Variants in FBXO3 observed in about 807,000 individuals in gnomAD.
FBXO3 encodes F-box only protein 3.
In FBXO3, 17 loss-of-function variants were observed where a neutral mutation model predicts 64.8. The ratio of observed to expected loss-of-function variants is 0.26; its 90% confidence interval spans 0.18 to 0.39. The LOEUF (loss-of-function observed/expected upper bound fraction) is 0.39, where lower values mean the gene tolerates loss of function less well. FBXO3 is among the 10% of genes least tolerant of loss of function. FBXO3 has a pLI of 1.00. For missense variants in FBXO3, 420 were observed against 589.9 expected (o/e 0.71, Z 2.98); for synonymous variants, 182 against 201.6 (o/e 0.90, Z 0.82).
At chr11:33,765,613 T>G (rs1439224531) in intron 3 of FBXO3, among the ~76,000 whole-genome samples, 1 of 152,096 alleles carries the variant, frequency 6.6e-6, no homozygotes, top group Non-Finnish European at 1.5e-5. Flanking sequence ...TTTGACATAG[T>G]TTGTATATTT....
chr11:33,760,000 G>A (rs1257390366), intron 3 of FBXO3, among the ~76,000 whole-genome samples: 1 of 152,096 alleles, frequency 6.6e-6, no homozygotes, highest in African/African-American at 2.4e-5. Context: ...AAAAAGGGAC[G>A]GAAAAACACA....
chr11:33,753,914 A>C (rs1388751437), intron 6 of FBXO3: 2 of 152,236 alleles, frequency 1.3e-5, no homozygotes, highest in African/African-American at 2.4e-5. Flanking sequence ...GTAGTTACTT[A>C]CAAATTGAAG....
rs1855545539 is a variant in FBXO3, at chr11:33,772,950, TAGGCAAGGCATTCC to T, written c.104+1430_104+1443del. On this transcript the variant is annotated intron_variant, in intron 1 of 10. Coordinates refer to ENST00000265651, the MANE Select transcript of FBXO3 (RefSeq NM_012175.4). ...TCCACCTTGCCAAGTTGAGAAGAGGTAGGCAAGGCATTCCAGGCAAGGTCGAGAGCTTGAGCCAC... is the reference window on the plus strand; with the variant it reads ...TCCACCTTGCCAAGTTGAGAAGAGGTAGGCAAGGTCGAGAGCTTGAGCCAC... 2.0e-5 allele frequency: 3 copies of T among 147,496 alleles called. No homozygotes were observed. The South Asian group carries it at 6.4e-4, about 32-fold the overall frequency. The allele number at this position is 147,496 out of a possible 1,614,324, so 9.1% of individuals were successfully genotyped here. A position where few individuals can be genotyped will look rare whatever the true frequency, so the allele number is the denominator to read the frequency against.
At chr11:33,755,022 C>T (rs749281884) in intron 5 of FBXO3, among the ~76,000 whole-genome samples, 2 of 152,036 alleles carry the variant, frequency 1.3e-5, no homozygotes. Context: ...TGCGCCACCA[C>T]ACCTGGCTAG....
At chr11:33,750,313 A>C (rs1854922620) in intron 8 of FBXO3, among the ~76,000 whole-genome samples, 1 of 152,234 alleles carries the variant, frequency 6.6e-6, no homozygotes, top group African/African-American at 2.4e-5. Flanking sequence ...CTGGCACAAT[A>C]CTTGATACCC....
Position 33,774,502 on chromosome 11 carries a change from C to T in FBXO3, c.-5G>A. ...CTCGGTCTCCATGGCCGCCATCTTG[C>T]CTGGCCCGGTGCAGGTCTGGCCCCG... On this transcript the variant is annotated 5_prime_UTR_variant, in exon 1 of 11. Coordinates refer to ENST00000265651, the MANE Select transcript of FBXO3 (RefSeq NM_012175.4). 6.5e-7 allele frequency: 1 copy of T among 1,540,856 alleles called. No homozygotes were observed. Among genetic ancestry groups the T allele is most frequent in the Non-Finnish European group, 8.7e-7 (1 of 1,145,306 alleles).
intron 4 of FBXO3, chr11:33,757,028 C>A (rs1230421441): frequency 1.9e-6 from 1 of 518,720 alleles, no homozygotes; most frequent in East Asian, 5.4e-5. Flanking sequence ...CCACACCCTG[C>A]CCCCAAGATT....
intron 3 of FBXO3, among the ~76,000 whole-genome samples, chr11:33,761,737 T>C (rs980492763): frequency 6.6e-6 from 1 of 152,340 alleles, no homozygotes; most frequent in South Asian, 2.1e-4. Context: ...CTATCTCATC[T>C]TATGCATCGT....
chr11:33,742,210 G>C (rs906187699), intron 10 of FBXO3, 126 bp from the exon 11 acceptor site: 97 of 829,986 alleles, frequency 1.2e-4, no homozygotes, highest in Non-Finnish European at 1.5e-4. Flanking sequence ...CCATAGACTT[G>C]AACAGTGGAT....
intron 7 of FBXO3, 39 bp from the exon 8 acceptor site, chr11:33,750,700 C>T (rs1273962486): frequency 6.3e-6 from 10 of 1,577,826 alleles, no homozygotes; most frequent in African/African-American, 1.3e-5. Flanking sequence ...AAATCAACTA[C>T]AGGATTTAAA....
chr11:33,750,373 G>T (rs942605346), intron 8 of FBXO3, among the ~76,000 whole-genome samples, 166 bp downstream of exon 8: 2 of 152,200 alleles, frequency 1.3e-5, no homozygotes, highest in African/African-American at 4.8e-5. Flanking sequence ...TGAAGTCAAA[G>T]TCCTCCATGA....
chr11:33,746,813 T>C, intron 10 of FBXO3: 2 of 1,412,644 alleles, frequency 1.4e-6, no homozygotes, highest in Non-Finnish European at 9.2e-7. Flanking sequence ...GCAAAAACAC[T>C]GTAAGAAGTT....
chr11:33,753,392 C>A (rs1590569530), intron 6 of FBXO3: 1 of 152,256 alleles, frequency 6.6e-6, no homozygotes, highest in South Asian at 2.1e-4. Flanking sequence ...AGAGGCTGGG[C>A]AGCAGCTTAC....
At chr11:33,757,513 C>A (rs11032369) in intron 4 of FBXO3, among the ~76,000 whole-genome samples, 8 of 110,716 alleles carry the variant, frequency 7.2e-5, no homozygotes, top group African/African-American at 1.2e-4. Context: ...TAAAACAAAT[C>A]TTAAAAAAAA....
chr11:33,754,311 A>G (rs1415013764), intron 6 of FBXO3, 144 bp downstream of exon 6: 7 of 627,998 alleles, frequency 1.1e-5, no homozygotes, highest in African/African-American at 1.9e-5. Context: ...TAGATGCAGT[A>G]CTTTATAAAC....
In FBXO3 at chr11:33,741,937, G is replaced by A. The variant is rs773191522; in HGVS notation, c.1387C>T (p.Arg463Cys). The change falls in exon 11 of 11, where the codon CGC (arginine) becomes TGC (cysteine). Residue 463 changes from arginine (R) to cysteine (C), a missense_variant. Physicochemically the swap from Arg to Cys is radical, Grantham distance 180. This residue lies in a region of FBXO3 where 57 missense variants were observed against 55.4 expected (regional missense o/e 1.03). Coordinates refer to ENST00000265651, the MANE Select transcript of FBXO3 (RefSeq NM_012175.4). ...AAAAGGCGTGAGCAGCGGCGTCTGCGAATGGGAACATCAAAGACTCTCCTC... is the reference window on the plus strand; with the variant it reads ...AAAAGGCGTGAGCAGCGGCGTCTGCAAATGGGAACATCAAAGACTCTCCTC... ...RRRRVFDVPI[R>C]RRRCSRLF The A allele has an allele frequency of 3.2e-5, 52 of 1,613,238 alleles. No homozygotes were observed. The highest frequency in any genetic ancestry group is 4.5e-5 in the East Asian group (2 of 44,860).
intron 2 of FBXO3, among the ~76,000 whole-genome samples, chr11:33,770,361 T>C (rs993179428): frequency 6.6e-6 from 1 of 152,248 alleles, no homozygotes; most frequent in Non-Finnish European, 1.5e-5. Context: ...CATCTGTACT[T>C]TGATTCTGTC....
chr11:33,768,846 A>C lies in FBXO3; in HGVS notation c.358+5T>G. On this transcript the variant is annotated splice_donor_5th_base_variant and intron_variant, in intron 3 of 10. Transcript: ENST00000265651. ...ACGGGGAAAGGGACCCTGAATTCCC[A>C]GTACCTTTCAGAGATAAAACCATCC... 3 of 1,613,956 alleles carry C rather than the reference A, an allele frequency of 1.9e-6. No homozygotes were observed. Among genetic ancestry groups the C allele is most frequent in the Non-Finnish European group, 2.5e-6 (3 of 1,179,850 alleles).
chr11:33,742,022 G>GTCTTCCTCC lies in FBXO3; in HGVS notation c.1293_1301dup (p.Glu431_Glu433dup), dbSNP rs1564983969. On this transcript the variant is annotated inframe_insertion, in exon 11 of 11. Transcript: ENST00000265651. Reference sequence around the variant, plus strand: ...CCATATCTGCTGAATCATCATCCTCGTCTTCCTCCTCTTCCTCCTCCTCCT... The same window carrying GTCTTCCTCC: ...CCATATCTGCTGAATCATCATCCTCGTCTTCCTCCTCTTCCTCCTCTTCCTCCTCCTCCT... 3 of 1,607,308 alleles carry GTCTTCCTCC rather than the reference G, an allele frequency of 1.9e-6. No homozygotes were observed. The highest frequency in any genetic ancestry group is 2.6e-6 in the Non-Finnish European group (3 of 1,174,670).
Sources: gnomAD v4.1 joint callset for allele counts (sites outside exome capture counted in the v4.1 genomes callset) on GRCh38, gnomAD v4.1.1 for gene constraint, gnomAD v4.1.1 regional missense constraint, MANE v1.5 for transcripts, NCBI Gene and HGNC (gene_info 2026-07-23, HGNC 2026-07-21) for gene names.